Variants in LITAF observed in about 807,000 individuals in gnomAD.
LITAF encodes lipopolysaccharide induced TNF factor.
A neutral mutation model predicts 14.5 loss-of-function variants in LITAF; 9 were observed. That is an observed-to-expected ratio of 0.62 (90% CI 0.37 to 1.08). The LOEUF is 1.08. Among genes scored for constraint, LITAF ranks in the 50% least tolerant of loss-of-function variants. The pLI is 0.01. For synonymous variants in LITAF, 98 were observed against 88.2 expected (o/e 1.11, Z -0.62); for missense variants, 206 against 213.4 (o/e 0.97, Z 0.22).
chr16:11,570,823 G>A (rs531145278), intron 1 of LITAF, among the ~76,000 whole-genome samples: 12 of 152,170 alleles, frequency 7.9e-5, no homozygotes, highest in African/African-American at 2.9e-4. Context: ...GAGGTAGAAG[G>A]AGGTTGGGGG....
chr16:11,572,210 C>T (rs1056579651), intron 1 of LITAF, among the ~76,000 whole-genome samples: 4 of 152,162 alleles, frequency 2.6e-5, no homozygotes, highest in Non-Finnish European at 4.4e-5. Context: ...CCACCTTCCA[C>T]GTCAAGACAC....
chr16:11,551,352 G>A (rs972996306), intron 3 of LITAF, among the ~76,000 whole-genome samples: 1 of 152,138 alleles, frequency 6.6e-6, no homozygotes, highest in African/African-American at 2.4e-5. Context: ...TGAGGTGGGC[G>A]TTATTGCCCC....
At chr16:11,624,822 C>G (rs2065073857) in intron 3 of LITAF, among the ~76,000 whole-genome samples, 1 of 152,188 alleles carries the variant, frequency 6.6e-6, no homozygotes, top group Non-Finnish European at 1.5e-5. Context: ...GGCCTCGAGA[C>G]TTGCTTTGAC....
At chr16:11,613,786 A>T (rs1206423359) in intron 3 of LITAF, among the ~76,000 whole-genome samples, 1 of 152,238 alleles carries the variant, frequency 6.6e-6, no homozygotes, top group Non-Finnish European at 1.5e-5. Flanking sequence ...GCTGGGGCAA[A>T]GCCCAGACAG....
At chr16:11,609,397 A>G (rs557213518) in intron 3 of LITAF, among the ~76,000 whole-genome samples, 1 of 152,058 alleles carries the variant, frequency 6.6e-6, no homozygotes, top group East Asian at 1.9e-4. Context: ...TATTTTTAGT[A>G]GAGATGAGGT....
chr16:11,615,368 C>T (rs913577235), intron 3 of LITAF, among the ~76,000 whole-genome samples: 2 of 152,192 alleles, frequency 1.3e-5, no homozygotes, highest in African/African-American at 4.8e-5. Flanking sequence ...GAAACCCCGT[C>T]TCTACTAAAA....
chr16:11,570,056 A>C (rs950294665), intron 1 of LITAF, among the ~76,000 whole-genome samples: 3 of 148,866 alleles, frequency 2.0e-5, no homozygotes, highest in African/African-American at 7.4e-5. Flanking sequence ...TTAAAATGGC[A>C]GAATTTTAAG....
upstream of LITAF, among the ~76,000 whole-genome samples, chr16:11,601,721 G>A (rs370977995): frequency 1.2e-3 from 181 of 152,082 alleles, no homozygotes; most frequent in African/African-American, 1.9e-3. Context: ...ACAGGCACCC[G>A]GCTAATTTTT....
intron 3 of LITAF, among the ~76,000 whole-genome samples, chr16:11,627,911 G>A (rs1217638860): frequency 6.6e-6 from 1 of 151,724 alleles, no homozygotes; most frequent in Admixed American, 6.6e-5. Context: ...CAGCTACTCG[G>A]GAGGCCGAGG....
At chr16:11,612,266 G>C (rs2064986886) in intron 3 of LITAF, among the ~76,000 whole-genome samples, 1 of 152,194 alleles carries the variant, frequency 6.6e-6, no homozygotes, top group African/African-American at 2.4e-5. Flanking sequence ...AGTCAGACCA[G>C]GTCATTTCCC....
intron 3 of LITAF, among the ~76,000 whole-genome samples, chr16:11,606,237 C>T (rs932377402): frequency 1.3e-5 from 2 of 151,992 alleles, no homozygotes; most frequent in African/African-American, 4.8e-5. Context: ...GGCATGATCT[C>T]GGCTCACTTC....
chr16:11,616,489 A>AC (rs1332645832), intron 3 of LITAF, among the ~76,000 whole-genome samples: 1 of 151,468 alleles, frequency 6.6e-6, no homozygotes, highest in Non-Finnish European at 1.5e-5. Flanking sequence ...ACAAAACAAA[A>AC]CAAGAAAAAA....
At chr16:11,585,105 G>A (rs990872238) in intron 1 of LITAF, among the ~76,000 whole-genome samples, 3 of 152,036 alleles carry the variant, frequency 2.0e-5, no homozygotes, top group Admixed American at 2.0e-4. Context: ...CTACTTGGGA[G>A]GTTGAGACAC....
intron 3 of LITAF, among the ~76,000 whole-genome samples, chr16:11,610,270 C>G (rs2064975449): frequency 6.6e-6 from 1 of 152,242 alleles, no homozygotes; most frequent in African/African-American, 2.4e-5. Context: ...AAAGAAATGT[C>G]TGTCTTCTTT....
chr16:11,559,087 A>C (rs2064317780), intron 1 of LITAF, among the ~76,000 whole-genome samples: 1 of 151,886 alleles, frequency 6.6e-6, no homozygotes, highest in Non-Finnish European at 1.5e-5. Context: ...CTCTCTACAA[A>C]ATTTTAAAAA....
Position 11,631,853 on chromosome 16 carries a change from CT to C in LITAF, c.85+1679del, listed in dbSNP as rs34507448. Among the ~76,000 whole-genome samples the C allele has an allele frequency of 2.0e-3, 265 of 134,478 alleles. 3 individuals carry two copies. Among genetic ancestry groups the C allele is most frequent in the East Asian group, 0.014 (65 of 4,794 alleles). The allele number at this position is 134,478 out of a possible 152,430, so 88.2% of individuals were successfully genotyped here. On this transcript the variant is annotated intron_variant, in intron 3 of 3. Coordinates refer to the LITAF transcript ENST00000574848. ...CAAAGACCCTATTTTCTTTTCTTTTCTTTTTTTTTTTTTTTGAGACGGAGTC... is the reference window on the plus strand; with the variant it reads ...CAAAGACCCTATTTTCTTTTCTTTTCTTTTTTTTTTTTTTGAGACGGAGTC...
intron 1 of LITAF, among the ~76,000 whole-genome samples, chr16:11,563,034 C>T (rs1006932273): frequency 7.3e-5 from 11 of 151,012 alleles, no homozygotes; most frequent in African/African-American, 1.9e-4. Context: ...AAGCTGAGGT[C>T]GGAGGATTTG....
chr16:11,626,010 C>T (rs922977548), intron 3 of LITAF, among the ~76,000 whole-genome samples: 1 of 152,146 alleles, frequency 6.6e-6, no homozygotes, highest in African/African-American at 2.4e-5. Context: ...GGATTTGAAC[C>T]TGGGAGTCAA....
chr16:11,638,038 A>C (rs1401256274), upstream of LITAF, among the ~76,000 whole-genome samples: 162 of 104,260 alleles, frequency 1.6e-3, 9 homozygotes, highest in African/African-American at 7.9e-3. Flanking sequence ...ATATCTATAT[A>C]TATCTATATA....
Sources: allele counts gnomAD v4.1 joint callset (sites outside exome capture counted in the v4.1 genomes callset), GRCh38; gene constraint gnomAD v4.1.1; transcripts MANE v1.5; gene names NCBI Gene and HGNC (gene_info 2026-07-23, HGNC 2026-07-21).